The following ATXN2 variants were observed in gnomAD, a reference collection of about 807,000 sequenced individuals.
The protein encoded by ATXN2 is ataxin 2, also known as ataxin-2.
A neutral mutation model predicts 138.6 loss-of-function variants in ATXN2; 37 were observed. The ratio of observed to expected loss-of-function variants is 0.27; its 90% CI spans 0.21 to 0.35. ATXN2 has a LOEUF of 0.35. ATXN2 is among the 10% of genes least tolerant of loss of function. The probability of loss-of-function intolerance (pLI) is 1.00; values close to 1 mark genes in which losing one functional copy is unlikely to be tolerated. For missense variants in ATXN2, 1,216 were observed against 1,480.3 expected (o/e 0.82, Z 2.93); for synonymous variants, 549 against 543.7 (o/e 1.01, Z -0.13).
At position 111,519,587 on chromosome 12, in the gene ATXN2, T is replaced by C. The variant is rs11065937; in HGVS notation, c.986+292A>G. Among the ~76,000 whole-genome samples the C allele has an allele frequency of 6.0e-3, 921 of 152,354 alleles. 12 individuals are homozygous for C. Among genetic ancestry groups the C allele is most frequent in the African/African-American group, 0.021 (868 of 41,578 alleles). On this transcript the variant is annotated intron_variant, in intron 8 of 24. Coordinates refer to ENST00000673436, the MANE Select transcript of ATXN2 (RefSeq NM_001372574.1). ...GCCTTTAACCAAGCAAATCATATTG[T>C]ACTGCTGTGATTGTTACACGTGTCC...
chr12:111,582,990 TTTGTTTTTTTTTTTTTTTTG>T (rs1884098194), intron 1 of ATXN2, among the ~76,000 whole-genome samples: 1 of 82,852 alleles, frequency 1.2e-5, no homozygotes. Context: ...TTTTTTTTTG[TTTGTTTTTTTTTTTTTTTTG>T]GAGACAGAGT....
Position 111,569,874 on chromosome 12 carries a change from G to A in ATXN2, c.252-13955C>T, listed in dbSNP as rs149067188. ...ACACCAAAAAATCCAAACAACTCAG[G>A]TAGAAAAGGATCTTAGGGCTCTAGT... is the stretch of plus-strand genomic sequence containing the variant. On this transcript the variant is annotated intron_variant, in intron 1 of 24. Coordinates refer to ENST00000673436, the MANE Select transcript of ATXN2 (RefSeq NM_001372574.1). 6.9e-3 allele frequency among the ~76,000 whole-genome samples: 1,050 copies of A among 152,140 alleles called. 7 individuals carry two copies. Among genetic ancestry groups the A allele is most frequent in the South Asian group, 0.016 (75 of 4,816 alleles).
At chr12:111,567,045 G>C (rs1336023101) in intron 1 of ATXN2, among the ~76,000 whole-genome samples, 1 of 152,110 alleles carries the variant, frequency 6.6e-6, no homozygotes, top group East Asian at 1.9e-4. Context: ...ATTAGAAGTG[G>C]GGTCAGAAGA....
Position 111,510,260 on chromosome 12 carries a change from T to G in ATXN2, c.1756+125A>C, listed in dbSNP as rs995830297. 5.5e-6 allele frequency: 6 copies of G among 1,100,510 alleles called. No individual in the cohort carries two copies. In the African/African-American group the frequency reaches 6.4e-5, roughly 12 times the overall value. The allele number at this position is 1,100,510 out of a possible 1,614,324, so 68.2% of individuals were successfully genotyped here. ...ACAACATCAAAATTTACATAAACTT[T>G]TAAATGTGCACTAAAAATACTTGTC... On this transcript the variant is annotated intron_variant, in intron 12 of 24. Transcript: ENST00000673436.
chr12:111,559,781 A>AC (rs1376887071), intron 1 of ATXN2, among the ~76,000 whole-genome samples: 1 of 151,720 alleles, frequency 6.6e-6, no homozygotes, highest in East Asian at 1.9e-4. Flanking sequence ...AAAAAACAAA[A>AC]AAAAAAAAAC....
At chr12:111,489,177 G>C (rs553453240) in intron 14 of ATXN2, among the ~76,000 whole-genome samples, 1 of 146,574 alleles carries the variant, frequency 6.8e-6, no homozygotes, top group Admixed American at 6.6e-5. Context: ...AAAAAAGAAA[G>C]GTTTCTCAGT....
At chr12:111,459,786 A>G (rs1013495485) in intron 21 of ATXN2, among the ~76,000 whole-genome samples, 3 of 151,634 alleles carry the variant, frequency 2.0e-5, no homozygotes, top group African/African-American at 7.3e-5. Flanking sequence ...CCCAGGCTGG[A>G]GTGCAGTGGA....
intron 3 of ATXN2, among the ~76,000 whole-genome samples, chr12:111,553,296 GA>G (rs1056728056): frequency 6.6e-5 from 10 of 152,052 alleles, no homozygotes; most frequent in African/African-American, 2.4e-4. Flanking sequence ...GGGTTAACAA[GA>G]ATACAGCTAT....
intron 14 of ATXN2, among the ~76,000 whole-genome samples, chr12:111,489,126 A>G (rs1036489784): frequency 6.6e-6 from 1 of 152,192 alleles, no homozygotes; most frequent in African/African-American, 2.4e-5. Context: ...TCACAATAAA[A>G]TGAGTAAATG....
intron 5 of ATXN2, among the ~76,000 whole-genome samples, chr12:111,543,339 C>T (rs1444947364): frequency 6.6e-6 from 1 of 152,194 alleles, no homozygotes; most frequent in Non-Finnish European, 1.5e-5. Context: ...CAACAGCACA[C>T]CAGAATAAAA....
intron 1 of ATXN2, among the ~76,000 whole-genome samples, chr12:111,563,019 T>C (rs1221315515): frequency 1.3e-5 from 2 of 152,200 alleles, no homozygotes; most frequent in African/African-American, 4.8e-5. Flanking sequence ...ATGCACTTTC[T>C]GATATCATGC....
In ATXN2 at chr12:111,457,318, C is replaced by A. The variant is rs149109789; in HGVS notation, c.2938G>T (p.Ala980Ser). The change falls in exon 22 of 25, where the codon GCT (alanine) becomes TCT (serine). Residue 980 changes from alanine (A) to serine (S), a missense_variant. By Grantham distance (99) the Ala-to-Ser change is moderately conservative. Transcript: ENST00000673436. Reference sequence around the variant, plus strand: ...TGTGGAGTATGTGGGTGCAGGGTAGCGTTAGGGTGCGCATACTGCTGAGCA... The same window carrying A: ...TGTGGAGTATGTGGGTGCAGGGTAGAGTTAGGGTGCGCATACTGCTGAGCA... ...SLAQQYAHPN[A>S]TLHPHTPHPQ... The A allele has an allele frequency of 1.9e-6, 3 of 1,613,840 alleles. No individual in the cohort carries two copies. The South Asian group carries it at 3.3e-5, about 18-fold the overall frequency.
intron 1 of ATXN2, among the ~76,000 whole-genome samples, chr12:111,570,793 C>A (rs570229661): frequency 7.9e-5 from 12 of 152,326 alleles, no homozygotes; most frequent in African/African-American, 2.6e-4. Context: ...AACCTGGAAG[C>A]AGAGATAATG....
intron 1 of ATXN2, among the ~76,000 whole-genome samples, chr12:111,591,752 A>ATTT (rs939425571): frequency 1.3e-5 from 2 of 149,704 alleles, no homozygotes; most frequent in South Asian, 2.1e-4. Flanking sequence ...AAGATTTAGG[A>ATTT]TTTTTTGTTG....
chr12:111,565,056 T>C (rs1882916007), intron 1 of ATXN2, among the ~76,000 whole-genome samples: 2 of 152,148 alleles, frequency 1.3e-5, no homozygotes, highest in South Asian at 4.1e-4. Context: ...CTGGATAGCA[T>C]TAAATTATTT....
intron 1 of ATXN2, among the ~76,000 whole-genome samples, chr12:111,574,046 G>A (rs543504278): frequency 2.0e-5 from 3 of 151,094 alleles, no homozygotes; most frequent in South Asian, 2.1e-4. Flanking sequence ...GGCCGGGTGC[G>A]GTGATTCAAG....
chr12:111,476,156 T>C (rs1350792150), intron 18 of ATXN2, among the ~76,000 whole-genome samples: 2 of 152,162 alleles, frequency 1.3e-5, no homozygotes, highest in African/African-American at 4.8e-5. Context: ...TTTTCCTACA[T>C]CACCCAGGTT....
At chr12:111,514,300 T>C (rs1879731553) in intron 10 of ATXN2, among the ~76,000 whole-genome samples, 1 of 152,184 alleles carries the variant, frequency 6.6e-6, no homozygotes, top group Non-Finnish European at 1.5e-5. Context: ...ACATTATTGA[T>C]TCTGCCATGC....
chr12:111,534,497 A>G (rs1490743663), intron 5 of ATXN2, among the ~76,000 whole-genome samples: 1 of 152,156 alleles, frequency 6.6e-6, no homozygotes, highest in East Asian at 1.9e-4. Flanking sequence ...TATATACTAG[A>G]CACCATGGTT....
Sources: allele counts gnomAD v4.1 joint callset (sites outside exome capture counted in the v4.1 genomes callset), GRCh38; gene constraint gnomAD v4.1.1; transcripts MANE v1.5; gene names NCBI Gene and HGNC (gene_info 2026-07-23, HGNC 2026-07-21).